Variants in USP24 observed in about 807,000 individuals in gnomAD.
USP24 encodes the protein ubiquitin carboxyl-terminal hydrolase 24.
Under a neutral mutation model 361.6 loss-of-function variants are expected in USP24, and 97 were observed. The observed-to-expected ratio is 0.27, with a 90% confidence interval of 0.23 to 0.32. The LOEUF (loss-of-function observed/expected upper bound fraction) is 0.32, where lower values mean the gene tolerates loss of function less well. USP24 is among the 10% of genes least tolerant of loss of function. USP24 has a pLI of 1.00. For missense variants in USP24, 2,353 were observed against 3,165.6 expected (o/e 0.74, Z 6.16); for synonymous variants, 1,098 against 1,124.6 (o/e 0.98, Z 0.47).
At chr1:55,186,629 T>G (rs1644139459) in intron 1 of USP24, among the ~76,000 whole-genome samples, 4 of 152,190 alleles carry the variant, frequency 2.6e-5, no homozygotes, top group Admixed American at 2.6e-4. Flanking sequence ...TGGAAGATCT[T>G]GAAGATATTA....
chr1:55,136,495 C>T (rs1646739310), intron 28 of USP24, among the ~76,000 whole-genome samples: 1 of 152,130 alleles, frequency 6.6e-6, no homozygotes. Flanking sequence ...AGAGAAGAGA[C>T]TGAACTGGTC....
Position 55,074,509 on chromosome 1 carries a change from C to T in USP24, c.7448-603G>A, listed in dbSNP as rs114237649. Among the ~76,000 whole-genome samples, 586 of 152,140 alleles carry T rather than the reference C, an allele frequency of 3.9e-3. 3 individuals carry two copies. The highest frequency in any genetic ancestry group is 0.013 in the African/African-American group (558 of 41,488). On this transcript the variant is annotated intron_variant, in intron 63 of 67. Coordinates refer to ENST00000294383, the MANE Select transcript of USP24 (RefSeq NM_015306.3). ...AATTAGCTGGGCTAATGGCATGTGC[C>T]CATAATCCCACCTACTTGGGAGGCT...
At chr1:55,203,912 C>T (rs1275473838) in intron 1 of USP24, among the ~76,000 whole-genome samples, 1 of 152,194 alleles carries the variant, frequency 6.6e-6, no homozygotes, top group South Asian at 2.1e-4. Flanking sequence ...ACATTACATA[C>T]ATATGTGTAC....
chr1:55,072,062 A>C (rs1644932327), intron 66 of USP24, 138 bp from the exon 67 acceptor site: 4 of 783,342 alleles, frequency 5.1e-6, no homozygotes, highest in Non-Finnish European at 8.4e-6. Context: ...CAGTCACCAG[A>C]ACCCCCTCAA....
chr1:55,155,212 T>C (rs868794219), intron 12 of USP24, among the ~76,000 whole-genome samples: 1 of 152,244 alleles, frequency 6.6e-6, no homozygotes, highest in South Asian at 2.1e-4. Context: ...TACTCATAGA[T>C]ACTTTGTGAT....
rs758391921 is a variant in USP24 at position 55,124,489 on chromosome 1, C to T, written c.4100G>A (p.Arg1367Gln). The T allele has an allele frequency of 6.8e-6, 11 of 1,612,332 alleles. No homozygotes were observed. The highest frequency in any genetic ancestry group is 1.6e-4 in the Middle Eastern group (1 of 6,084). The change falls in exon 35 of 68, where the codon CGA becomes CAA. Residue 1367 changes from arginine to glutamine, a missense_variant. Arg to Gln is a conservative substitution (Grantham distance 43). This residue lies in a region of USP24 where 949 missense variants were observed against 1,280.5 expected (regional missense o/e 0.74). Coordinates refer to ENST00000294383, the MANE Select transcript of USP24 (RefSeq NM_015306.3). ...ESNSLCPAGI[R>Q]NRLSSSGSNC... ...AGTACCTGAACTGCTGAGTCTGTTT[C>T]GAATTCCAGCAGGACACAGGGAATT...
At chr1:55,097,515 A>G (rs921945275) in intron 48 of USP24, 83 bp downstream of exon 48, 8 of 1,492,566 alleles carry the variant, frequency 5.4e-6, no homozygotes, top group South Asian at 1.4e-5. Context: ...GGTAGACAGA[A>G]TATGAAAATT....
At chr1:55,110,773 G>A (rs1645926339) in intron 38 of USP24, among the ~76,000 whole-genome samples, 1 of 152,150 alleles carries the variant, frequency 6.6e-6, no homozygotes, top group Non-Finnish European at 1.5e-5. Context: ...GAACAGCACA[G>A]GTTTTAGAAT....
chr1:55,074,107 TAAAAAA>T (rs34911935), intron 63 of USP24, among the ~76,000 whole-genome samples: 1 of 123,486 alleles, frequency 8.1e-6, no homozygotes, highest in East Asian at 2.3e-4. Context: ...TAAGTATGTT[TAAAAAA>T]AAAAAAAAAA....
At chr1:55,155,551 T>C (rs1246580243) in intron 12 of USP24, among the ~76,000 whole-genome samples, 1 of 152,166 alleles carries the variant, frequency 6.6e-6, no homozygotes, top group Non-Finnish European at 1.5e-5. Context: ...ATTATATGAG[T>C]GTATTCCACC....
intron 38 of USP24, among the ~76,000 whole-genome samples, chr1:55,114,810 A>G (rs1457864244): frequency 6.6e-6 from 1 of 152,228 alleles, no homozygotes; most frequent in Non-Finnish European, 1.5e-5. Context: ...AACCTAGGCG[A>G]TATCATTCAG....
In USP24 at chr1:55,154,269, T is replaced by C. The variant is rs1437668981; in HGVS notation, c.1662A>G (p.Val554=). The stretch of plus-strand genomic sequence containing the variant: ...TTGGAAGGTGAGCCAGTTCCCAGAG[T>C]ACGTCTAAAACCTACAATAATATTA... The part of the protein sequence containing the change: ...FETTSGKVLD[V]LWELAHLPTL... Residue 554 remains valine, a synonymous_variant, in exon 15 of 68, where the codon GTA becomes GTG. Coordinates refer to ENST00000294383, the MANE Select transcript of USP24 (RefSeq NM_015306.3). 2.7e-5 allele frequency: 44 copies of C among 1,611,094 alleles called. No individual in the cohort carries two copies. The highest frequency in any genetic ancestry group is 3.6e-5 in the Non-Finnish European group (43 of 1,178,536).
At chr1:55,083,959 T>C in intron 56 of USP24, 71 bp from the exon 57 acceptor site, 3 of 1,205,534 alleles carry the variant, frequency 2.5e-6, no homozygotes, top group Non-Finnish European at 3.5e-6. Flanking sequence ...AGGATTAATT[T>C]GAGGTAAACC....
At chr1:55,107,651 G>A (rs948625366) in intron 39 of USP24, among the ~76,000 whole-genome samples, 10 of 151,792 alleles carry the variant, frequency 6.6e-5, no homozygotes, top group Admixed American at 5.9e-4. Flanking sequence ...AGACCAGCCT[G>A]GCCAGCATGG....
intron 52 of USP24, 131 bp downstream of exon 52, chr1:55,093,806 A>ATGAGACAAGTGTGTAAGACGATGTAG: frequency 7.7e-7 from 1 of 1,305,616 alleles, no homozygotes; most frequent in Non-Finnish European, 1.0e-6. Flanking sequence ...TAAAAGGTTC[A>ATGAGACAAGTGTGTAAGACGATGTAG]TGAGACAAGT....
chr1:55,182,526 A>G (rs1368409042), intron 1 of USP24, among the ~76,000 whole-genome samples: 1 of 152,202 alleles, frequency 6.6e-6, no homozygotes, highest in Non-Finnish European at 1.5e-5. Context: ...AGAAATTAAT[A>G]AATCAAACAA....
chr1:55,152,297 A>C (rs1027672211), intron 16 of USP24, among the ~76,000 whole-genome samples: 1 of 152,190 alleles, frequency 6.6e-6, no homozygotes, highest in African/African-American at 2.4e-5. Context: ...TTTTGTTATA[A>C]AACAACAGAC....
At chr1:55,175,224 T>C (rs917473802) in intron 3 of USP24, among the ~76,000 whole-genome samples, 12 of 133,608 alleles carry the variant, frequency 9.0e-5, no homozygotes, top group African/African-American at 3.2e-4. Context: ...GGTCTCTTTT[T>C]TTTTTTTTTT....
At position 55,174,228 on chromosome 1, in the gene USP24, G is replaced by A. The variant is rs578137557; in HGVS notation, c.559-1708C>T. On this transcript the variant is annotated intron_variant, in intron 3 of 67. Coordinates refer to ENST00000294383, the MANE Select transcript of USP24 (RefSeq NM_015306.3). ...TCTAAAAGAAAATGTGTGACAGCTCGTGAGAAAAGCCTGGGGAATTGGGGA... is the reference window on the plus strand; with the variant it reads ...TCTAAAAGAAAATGTGTGACAGCTCATGAGAAAAGCCTGGGGAATTGGGGA... 5.0e-4 allele frequency among the ~76,000 whole-genome samples: 76 copies of A among 152,248 alleles called. 1 individual carries two copies. Among genetic ancestry groups the A allele is most frequent in the African/African-American group, 1.7e-3 (70 of 41,546 alleles).
Sources: allele counts gnomAD v4.1 joint callset (sites outside exome capture counted in the v4.1 genomes callset), GRCh38; gene constraint gnomAD v4.1.1; regional missense constraint gnomAD v4.1.1; transcripts MANE v1.5; gene names NCBI Gene and HGNC (gene_info 2026-07-23, HGNC 2026-07-21).